ETS1: variants seen among roughly 807,000 people sequenced by gnomAD.
ETS1 encodes the protein ETS proto-oncogene 1, transcription factor.
In ETS1, 15 loss-of-function variants were observed where a neutral mutation model predicts 58.6. The observed-to-expected ratio is 0.26, with a 90% CI of 0.17 to 0.39. The LOEUF (loss-of-function observed/expected upper bound fraction) is 0.39. Ranked by LOEUF, ETS1 falls within the 10% of genes least tolerant of loss-of-function variation. The pLI is 1.00. For missense variants in ETS1, 417 were observed against 610.5 expected (o/e 0.68, Z 3.34); for synonymous variants, 214 against 218.2 (o/e 0.98, Z 0.17).
intron 3 of ETS1, chr11:128,528,949 G>A (rs1458957253): frequency 6.6e-6 from 1 of 152,160 alleles, no homozygotes; most frequent in African/African-American, 2.4e-5. Flanking sequence ...TCACCACGAA[G>A]TAAATCAGTT....
intron 3 of ETS1, among the ~76,000 whole-genome samples, chr11:128,498,828 A>C (rs1397848730): frequency 6.6e-6 from 1 of 152,216 alleles, no homozygotes; most frequent in African/African-American, 2.4e-5. Context: ...TGATCATTTC[A>C]AGCCATTTAC....
chr11:128,522,060 A>G (rs1382424706), intron 3 of ETS1: 1 of 1,487,748 alleles, frequency 6.7e-7, no homozygotes, highest in Non-Finnish European at 9.0e-7. Flanking sequence ...TTTCTTTTTA[A>G]TGAGGATTAG....
intron 3 of ETS1, among the ~76,000 whole-genome samples, chr11:128,511,012 T>C (rs189682557): frequency 2.2e-4 from 34 of 152,358 alleles, no homozygotes; most frequent in Admixed American, 3.9e-4. Flanking sequence ...GCAAACACCC[T>C]ATGTCCCAAA....
intron 3 of ETS1, among the ~76,000 whole-genome samples, chr11:128,500,372 T>G (rs1224652427): frequency 1.3e-5 from 2 of 152,204 alleles, no homozygotes; most frequent in African/African-American, 4.8e-5. Context: ...TGAAAGGAAA[T>G]TCTCTCTCAA....
Position 128,549,449 on chromosome 11 carries a change from C to T in ETS1, c.214+6842G>A. ...AGGAGAGGGGTCAAACTGCTTGAAT[C>T]GCATAAGAACCCGGTGCCCCAGGGA... is the stretch of plus-strand genomic sequence containing the variant. On this transcript the variant is annotated intron_variant, in intron 3 of 9. Coordinates refer to ENST00000392668, the MANE Select transcript of ETS1 (RefSeq NM_001143820.2). The surrounding 1 kb of genome is among the most constrained non-coding windows in gnomAD (Gnocchi z 4.3). Among the ~76,000 whole-genome samples the T allele has an allele frequency of 6.6e-6, 1 of 152,240 alleles. No homozygotes were observed. The highest frequency in any genetic ancestry group is 1.9e-4 in the East Asian group (1 of 5,192).
At chr11:128,507,751 A>C (rs1863281981) in intron 3 of ETS1, among the ~76,000 whole-genome samples, 1 of 152,198 alleles carries the variant, frequency 6.6e-6, no homozygotes, top group Non-Finnish European at 1.5e-5. Context: ...GGGGGCTGCC[A>C]GGTCTTCACT....
intron 3 of ETS1, among the ~76,000 whole-genome samples, chr11:128,531,674 A>G (rs1372572528): frequency 1.3e-5 from 2 of 152,246 alleles, no homozygotes; most frequent in Non-Finnish European, 2.9e-5. Context: ...ACTCACAGCT[A>G]CATTACAAAT....
intron 8 of ETS1, among the ~76,000 whole-genome samples, chr11:128,476,849 A>T (rs887499475): frequency 1.3e-5 from 2 of 152,258 alleles, no homozygotes; most frequent in Non-Finnish European, 2.9e-5. Flanking sequence ...TTTTGGCGGA[A>T]GCCAACATTG....
chr11:128,583,032 C>T (rs1261373015), intron 1 of ETS1, among the ~76,000 whole-genome samples: 1 of 152,088 alleles, frequency 6.6e-6, no homozygotes, highest in Non-Finnish European at 1.5e-5. Context: ...GCATATGAAT[C>T]ACCCGGGGAT....
intron 3 of ETS1, among the ~76,000 whole-genome samples, chr11:128,502,584 A>G (rs1863119991): frequency 6.6e-6 from 1 of 152,212 alleles, no homozygotes; most frequent in Non-Finnish European, 1.5e-5. Context: ...GCTGAAATTC[A>G]CAGATATGTA....
chr11:128,507,404 C>T (rs1863270402), intron 3 of ETS1, among the ~76,000 whole-genome samples: 1 of 152,312 alleles, frequency 6.6e-6, no homozygotes, highest in Non-Finnish European at 1.5e-5. Context: ...GCCTTACACA[C>T]CACTCCAGTT....
intron 2 of ETS1, among the ~76,000 whole-genome samples, chr11:128,572,545 A>C (rs1245285424): frequency 3.3e-5 from 5 of 152,224 alleles, no homozygotes; most frequent in African/African-American, 1.2e-4. Flanking sequence ...ACCTATGGAC[A>C]AAAAACTTCA....
intron 3 of ETS1, among the ~76,000 whole-genome samples, chr11:128,533,226 A>G (rs538764189): frequency 6.6e-6 from 1 of 152,336 alleles, no homozygotes; most frequent in Admixed American, 6.5e-5. Flanking sequence ...TTTTCATCAC[A>G]GTGTAAAATC....
intron 1 of ETS1, among the ~76,000 whole-genome samples, chr11:128,584,727 T>C (rs1336120049): frequency 1.3e-5 from 2 of 152,042 alleles, no homozygotes; most frequent in Non-Finnish European, 2.9e-5. Flanking sequence ...TCTTCACATC[T>C]AATTTTTCCC....
intron 3 of ETS1, among the ~76,000 whole-genome samples, chr11:128,502,556 CAAAT>C (rs1427610375): frequency 1.3e-5 from 2 of 152,160 alleles, no homozygotes; most frequent in African/African-American, 2.4e-5. Flanking sequence ...TCTTTGGAGA[CAAAT>C]AAAGAGGCCA....
chr11:128,499,924 G>A (rs561905662), intron 3 of ETS1, among the ~76,000 whole-genome samples: 5 of 152,306 alleles, frequency 3.3e-5, no homozygotes, highest in East Asian at 1.9e-4. Flanking sequence ...AGTAGAGCCC[G>A]TTTATTTAGG....
chr11:128,489,502 GAT>G lies in ETS1; in HGVS notation c.335-14_335-13del, dbSNP rs766287942. On this transcript the variant is annotated splice_polypyrimidine_tract_variant and intron_variant, in intron 4 of 9. Transcript: ENST00000392668. ...CCACTGCCGGGGGTCTGAGGAAAGA[GAT>G]CAGATGAAGATCCAGCAGGTCGGGC... 9 of 1,611,422 alleles carry G rather than the reference GAT, an allele frequency of 5.6e-6. No individual in the cohort carries two copies. The highest frequency in any genetic ancestry group is 7.6e-6 in the Non-Finnish European group (9 of 1,178,542).
intron 3 of ETS1, among the ~76,000 whole-genome samples, chr11:128,544,973 T>C (rs950298087): frequency 9.4e-5 from 14 of 149,292 alleles, no homozygotes; most frequent in African/African-American, 3.2e-4. Context: ...TCTTAGGGTT[T>C]AGTCTTGCTC....
At position 128,464,240 on chromosome 11, in the gene ETS1, A is replaced by G. The variant is rs79984891; in HGVS notation, c.1124-613T>C. On this transcript the variant is annotated intron_variant, in intron 8 of 9. Coordinates refer to ENST00000392668, the MANE Select transcript of ETS1 (RefSeq NM_001143820.2). This position sits in a 1 kb window ranked among gnomAD's most constrained non-coding sequence, Gnocchi z 4.1. ...CACTTACAGGAAAGCACCCAAAGGA[A>G]AAAAAAAAAAAAGCATCATTACTAT... 6.8e-6 allele frequency among the ~76,000 whole-genome samples: 1 copy of G among 147,602 alleles called. No individual in the cohort carries two copies. The highest frequency in any genetic ancestry group is 1.5e-5 in the Non-Finnish European group (1 of 66,376).
Sources: gnomAD v4.1 joint callset for allele counts (sites outside exome capture counted in the v4.1 genomes callset) on GRCh38, gnomAD v4.1.1 for gene constraint, Gnocchi (gnomAD v3.1) non-coding constraint, MANE v1.5 for transcripts, NCBI Gene and HGNC (gene_info 2026-07-23, HGNC 2026-07-21) for gene names.